The following ABHD12 variants were observed in gnomAD, a reference collection of about 807,000 sequenced individuals.
The protein encoded by ABHD12 is abhydrolase domain containing 12, lysophospholipase.
ABHD12 carries 43 observed loss-of-function variants against 58.3 expected under a neutral mutation model. The ratio of observed to expected loss-of-function variants is 0.74; its 90% CI spans 0.58 to 0.95. The LOEUF (loss-of-function observed/expected upper bound fraction) is 0.95. Among genes scored for constraint, ABHD12 ranks in the 40% least tolerant of loss-of-function variants. The pLI is 0.00. For missense variants in ABHD12, 539 were observed against 537.2 expected (o/e 1.00, Z -0.03); for synonymous variants, 219 against 211.2 (o/e 1.04, Z -0.32).
chr20:25,339,662 GC>G, intron 1 of ABHD12: 1 of 1,391,222 alleles, frequency 7.2e-7, no homozygotes. Context: ...ACCCCACCAT[GC>G]CCCCCACCTG....
chr20:25,386,041 C>G (rs2090085673), intron 1 of ABHD12, among the ~76,000 whole-genome samples: 1 of 151,754 alleles, frequency 6.6e-6, no homozygotes, highest in Non-Finnish European at 1.5e-5. Flanking sequence ...GCAAAGCTTG[C>G]AGTGAGCCAA....
Position 25,339,224 on chromosome 20 carries a change from T to TA in ABHD12, c.316+2dup. On this transcript the variant is annotated splice_region_variant and intron_variant, in intron 2 of 12. Coordinates refer to ENST00000339157, the MANE Select transcript of ABHD12 (RefSeq NM_001042472.3). ...AAAGGAAAAATGGACACATACCACT[T>TA]ACCGAAATTCAAGAAAATCAGTTTG... The TA allele has an allele frequency of 6.2e-7, 1 of 1,614,082 alleles. No homozygotes were observed. The highest frequency in any genetic ancestry group is 2.2e-5 in the East Asian group (1 of 44,876).
intron 1 of ABHD12, among the ~76,000 whole-genome samples, chr20:25,365,687 A>T (rs2089810291): frequency 6.6e-6 from 1 of 152,234 alleles, no homozygotes; most frequent in Non-Finnish European, 1.5e-5. Flanking sequence ...AGTGGTTGTC[A>T]AAGATGCATT....
chr20:25,387,589 T>TAAAA (rs779293077), intron 1 of ABHD12, among the ~76,000 whole-genome samples: 1 of 85,222 alleles, frequency 1.2e-5, no homozygotes. Context: ...TTCATCTCTA[T>TAAAA]TAAAAAAAAA....
At chr20:25,382,417 T>C (rs1453707387) in intron 1 of ABHD12, among the ~76,000 whole-genome samples, 1 of 152,132 alleles carries the variant, frequency 6.6e-6, no homozygotes, top group Non-Finnish European at 1.5e-5. Context: ...CAAAGTCCTG[T>C]GGCGTCATCT....
intron 5 of ABHD12, among the ~76,000 whole-genome samples, chr20:25,316,411 G>A (rs1158933537): frequency 6.6e-6 from 1 of 151,970 alleles, no homozygotes; most frequent in Non-Finnish European, 1.5e-5. Flanking sequence ...CACCCATCTT[G>A]GCCTCCCAAA....
At chr20:25,325,787 C>G (rs992379724) in intron 2 of ABHD12, among the ~76,000 whole-genome samples, 2 of 152,098 alleles carry the variant, frequency 1.3e-5, no homozygotes, top group African/African-American at 2.4e-5. Flanking sequence ...ATAAATGCAG[C>G]CAGCCAGGCG....
intron 2 of ABHD12, among the ~76,000 whole-genome samples, chr20:25,324,597 GGT>G (rs1223055636): frequency 6.6e-6 from 1 of 152,184 alleles, no homozygotes; most frequent in Non-Finnish European, 1.5e-5. Context: ...AGCTGTCTCT[GGT>G]GAAGACAGGG....
At chr20:25,377,843 G>A (rs2089978618) in intron 1 of ABHD12, among the ~76,000 whole-genome samples, 2 of 152,086 alleles carry the variant, frequency 1.3e-5, no homozygotes, top group Admixed American at 6.5e-5. Flanking sequence ...GATTACAGGC[G>A]TGTGCCACCA....
At chr20:25,334,247 G>T (rs1194903022) in intron 2 of ABHD12, among the ~76,000 whole-genome samples, 1 of 151,158 alleles carries the variant, frequency 6.6e-6, no homozygotes, top group Non-Finnish European at 1.5e-5. Flanking sequence ...CAACTTACAA[G>T]GGATGTGAAG....
At chr20:25,384,955 GTGTGTGTGTGTA>G (rs1182507588) in intron 1 of ABHD12, among the ~76,000 whole-genome samples, 27 of 151,998 alleles carry the variant, frequency 1.8e-4, no homozygotes, top group African/African-American at 6.5e-4. Flanking sequence ...CACAAAACAT[GTGTGTGTGTGTA>G]TGTGTGTGTG....
At chr20:25,299,239 ATAC>A (rs1283481495), downstream of ABHD12, among the ~76,000 whole-genome samples, 1 of 152,290 alleles carries the variant, frequency 6.6e-6, no homozygotes, top group East Asian at 1.9e-4. Flanking sequence ...TTTACAAAAC[ATAC>A]AAGAATTAGC....
chr20:25,343,756 C>G (rs1211452500), intron 1 of ABHD12, among the ~76,000 whole-genome samples: 2 of 152,138 alleles, frequency 1.3e-5, no homozygotes, highest in East Asian at 3.8e-4. Flanking sequence ...GATCGCACCA[C>G]TGCACTCCAG....
intron 4 of ABHD12, among the ~76,000 whole-genome samples, chr20:25,317,909 A>G (rs1472623163): frequency 2.6e-5 from 4 of 152,160 alleles, no homozygotes; most frequent in Non-Finnish European, 4.4e-5. Context: ...CACACTCCCT[A>G]GCCGTGCTCC....
At chr20:25,347,092 A>G (rs1331321594) in intron 1 of ABHD12, among the ~76,000 whole-genome samples, 2 of 152,236 alleles carry the variant, frequency 1.3e-5, no homozygotes, top group Non-Finnish European at 1.5e-5. Context: ...CTTGAGATGG[A>G]AACAAAAGTA....
chr20:25,353,832 C>T (rs2089633741), intron 1 of ABHD12, among the ~76,000 whole-genome samples: 1 of 152,220 alleles, frequency 6.6e-6, no homozygotes, highest in South Asian at 2.1e-4. Flanking sequence ...TTCCTTCTGT[C>T]CTCTGCAGAA....
chr20:25,329,520 T>A (rs2089232763), intron 2 of ABHD12, among the ~76,000 whole-genome samples: 1 of 152,220 alleles, frequency 6.6e-6, no homozygotes, highest in Non-Finnish European at 1.5e-5. Flanking sequence ...GGAGAATGGA[T>A]CCTGCACACA....
rs148526501 is a variant in ABHD12, at chr20:25,347,001, G to A, written c.192-7650C>T. 2.0e-3 allele frequency among the ~76,000 whole-genome samples: 308 copies of A among 152,228 alleles called. 3 individuals carry two copies. Among genetic ancestry groups the A allele is most frequent in the East Asian group, 0.016 (85 of 5,180 alleles). ...ATAAAATGTTACTCATAGCTGTCAA[G>A]TGTCTTTGGACTCCACAGAAAACCT... On this transcript the variant is annotated intron_variant, in intron 1 of 12. Coordinates refer to ENST00000339157, the MANE Select transcript of ABHD12 (RefSeq NM_001042472.3).
downstream of ABHD12, among the ~76,000 whole-genome samples, chr20:25,299,968 G>A (rs1166606820): frequency 6.6e-6 from 1 of 152,152 alleles, no homozygotes; most frequent in African/African-American, 2.4e-5. Context: ...GTGTAACCGC[G>A]AGGACCTCTG....
Sources: gnomAD v4.1 joint callset for allele counts (sites outside exome capture counted in the v4.1 genomes callset) on GRCh38, gnomAD v4.1.1 for gene constraint, MANE v1.5 for transcripts, NCBI Gene and HGNC (gene_info 2026-07-23, HGNC 2026-07-21) for gene names.